The following CCDC141 variants were observed in gnomAD, a reference collection of about 807,000 sequenced individuals.
CCDC141 encodes coiled-coil domain-containing protein 141.
CCDC141 carries 168 observed loss-of-function variants against 181.0 expected under a neutral mutation model. The observed-to-expected ratio is 0.93, with a 90% CI of 0.82 to 1.05. CCDC141 has a LOEUF of 1.05. CCDC141 is among the 50% of genes least tolerant of loss of function. The pLI, the probability that CCDC141 is intolerant of heterozygous loss-of-function variation, is 0.00. For missense variants in CCDC141, 1,902 were observed against 1,788.5 expected, an observed-to-expected ratio of 1.06 and a Z score of -1.14; for synonymous variants, 666 against 642.3, an observed-to-expected ratio of 1.04 and a Z score of -0.56.
Position 178,833,869 on chromosome 2 carries a change from G to GC in CCDC141, c.*303dup, listed in dbSNP as rs1270866607. ...TGCCGATGTCAGCCTTCATCTGCACGCCCTTAAATTAGGAGGGAATAGGCA... is the reference window on the plus strand; with the variant it reads ...TGCCGATGTCAGCCTTCATCTGCACGCCCCTTAAATTAGGAGGGAATAGGCA... On this transcript the variant is annotated 3_prime_UTR_variant, in exon 24 of 24. Coordinates refer to ENST00000443758, the MANE Select transcript of CCDC141 (RefSeq NM_173648.4). 4.0e-6 allele frequency: 1 copy of GC among 252,360 alleles called. No homozygotes were observed. The highest frequency in any genetic ancestry group is 4.9e-5 in the Admixed American group (1 of 20,468). 15.6% of individuals were successfully genotyped at this position (252,360 alleles called of 1,614,324 possible).
intron 2 of CCDC141, among the ~76,000 whole-genome samples, chr2:178,992,358 T>A (rs63596263): frequency 9.6e-5 from 13 of 134,862 alleles, no homozygotes; most frequent in East Asian, 4.2e-4. Context: ...TTTTTTTTTT[T>A]AAATAGACCT....
At chr2:178,975,222 A>G in intron 3 of CCDC141, 57 bp from the exon 4 acceptor site, 1 of 883,180 alleles carries the variant, frequency 1.1e-6, no homozygotes, top group Non-Finnish European at 1.7e-6. Flanking sequence ...TTAACGTGCC[A>G]TTGTTAGTTA....
chr2:178,868,708 T>C (rs1204333218), intron 15 of CCDC141, among the ~76,000 whole-genome samples: 3 of 151,780 alleles, frequency 2.0e-5, no homozygotes, highest in African/African-American at 7.3e-5. Flanking sequence ...GCTATGCTTA[T>C]CAAAAAGTAA....
chr2:178,841,232 A>G (rs550662256), intron 22 of CCDC141, among the ~76,000 whole-genome samples: 37 of 152,228 alleles, frequency 2.4e-4, no homozygotes, highest in Non-Finnish European at 2.9e-4. Context: ...ACGTTGATGA[A>G]CTACTTAACA....
At chr2:178,941,091 AAGACAACTCTCCTT>A (rs1431951214) in intron 6 of CCDC141, among the ~76,000 whole-genome samples, 1 of 152,176 alleles carries the variant, frequency 6.6e-6, no homozygotes, top group Non-Finnish European at 1.5e-5. Flanking sequence ...TATTGCCTCT[AAGACAACTCTCCTT>A]AGCCTCTCTT....
rs1685251303 is a variant in CCDC141, at chr2:178,853,447, A to G, written c.3238T>C (p.Leu1080=). 6.2e-7 allele frequency: 1 copy of G among 1,613,646 alleles called. No individual in the cohort carries two copies. Among genetic ancestry groups the G allele is most frequent in the African/African-American group, 1.3e-5 (1 of 74,896 alleles). The change falls in exon 20 of 24, where the codon TTA becomes CTA. Residue 1080 remains leucine, a synonymous_variant. Coordinates refer to ENST00000443758, the MANE Select transcript of CCDC141 (RefSeq NM_173648.4). ...IQEATDLAQH[L]YGLEEGQKYI... ...ATCTTAAAAGAGATCTCACCATATAAGTGCTGAGCAAGGTCAGTGGCCTCC... is the reference window on the plus strand; with the variant it reads ...ATCTTAAAAGAGATCTCACCATATAGGTGCTGAGCAAGGTCAGTGGCCTCC...
intron 8 of CCDC141, among the ~76,000 whole-genome samples, chr2:178,899,799 G>T (rs1687597736): frequency 6.6e-6 from 1 of 152,094 alleles, no homozygotes; most frequent in Non-Finnish European, 1.5e-5. Context: ...CTTCACTCCA[G>T]CAGTGGCTGC....
At chr2:178,834,866 T>C (rs1405093784) in intron 23 of CCDC141, among the ~76,000 whole-genome samples, 1 of 151,532 alleles carries the variant, frequency 6.6e-6, no homozygotes, top group South Asian at 2.1e-4. Context: ...GCGCTGTTTA[T>C]CTTTCAAGCA....
At chr2:178,820,643 T>G in the CCDC141 span, among the ~76,000 whole-genome samples, 27 of 152,330 alleles carry the variant, frequency 1.8e-4, 1 homozygote, top group Middle Eastern at 3.4e-3. Context: ...GTTTTCAGAT[T>G]AAATTGAAAT....
At chr2:179,001,561 A>AGAG (rs972057811) in intron 2 of CCDC141, among the ~76,000 whole-genome samples, 1 of 152,184 alleles carries the variant, frequency 6.6e-6, no homozygotes, top group African/African-American at 2.4e-5. Context: ...TAAAAAGATC[A>AGAG]GAGGAGGAGG....
At chr2:178,956,247 C>T (rs1182530273) in intron 5 of CCDC141, among the ~76,000 whole-genome samples, 1 of 152,156 alleles carries the variant, frequency 6.6e-6, no homozygotes, top group Admixed American at 6.5e-5. Flanking sequence ...CTGCTGTTAA[C>T]AAGAGAAAAT....
intron 2 of CCDC141, among the ~76,000 whole-genome samples, chr2:179,019,688 A>G (rs957499930): frequency 6.6e-6 from 1 of 152,172 alleles, no homozygotes; most frequent in Non-Finnish European, 1.5e-5. Flanking sequence ...GAAACAACAT[A>G]GTTCCAATAC....
At chr2:179,015,293 C>A (rs1464836047) in intron 2 of CCDC141, among the ~76,000 whole-genome samples, 1 of 127,350 alleles carries the variant, frequency 7.9e-6, no homozygotes, top group Non-Finnish European at 1.6e-5. Flanking sequence ...TCTCATATAT[C>A]TCATATATGT....
At chr2:179,039,982 A>G (rs79972339) in intron 2 of CCDC141, among the ~76,000 whole-genome samples, 21 of 152,312 alleles carry the variant, frequency 1.4e-4, no homozygotes, top group African/African-American at 5.1e-4. Flanking sequence ...AGAATTAGGT[A>G]TATCTAGATG....
intron 8 of CCDC141, among the ~76,000 whole-genome samples, chr2:178,901,333 T>C (rs1687678538): frequency 6.6e-6 from 1 of 152,108 alleles, no homozygotes; most frequent in Non-Finnish European, 1.5e-5. Flanking sequence ...ATATCCTTGA[T>C]GAATATTGAT....
chr2:178,818,030 T>C, the CCDC141 span, among the ~76,000 whole-genome samples: 106 of 152,280 alleles, frequency 7.0e-4, no homozygotes, highest in Middle Eastern at 3.4e-3. Flanking sequence ...CCCAAACTCC[T>C]GACCTTAGGT....
Position 178,865,778 on chromosome 2 carries a change from C to T in CCDC141, c.2713G>A (p.Glu905Lys), listed in dbSNP as rs150991367. The part of the protein sequence containing the change: ...RSVEYCAMRD[E>K]INELKDSFKD... ...CCTCCCACACCCACCTCATTTATCT[C>T]GTCTCTCATGGCGCAGTACTCCACA... is the stretch of plus-strand genomic sequence containing the variant. Residue 905 changes from glutamate to lysine, a missense_variant, in exon 17 of 24, where the codon GAG (glutamate) becomes AAG (lysine). Coordinates refer to ENST00000443758, the MANE Select transcript of CCDC141 (RefSeq NM_173648.4). 2.2e-4 allele frequency: 335 copies of T among 1,542,970 alleles called. 2 individuals are homozygous for T. In the Admixed American group the frequency reaches 3.1e-3, roughly 14 times the overall value.
intron 12 of CCDC141, chr2:178,875,963 T>G (rs1274925034): frequency 6.6e-6 from 1 of 152,016 alleles, no homozygotes; most frequent in Non-Finnish European, 1.5e-5. Context: ...AAAAATAACT[T>G]TTCTTTTTTT....
chr2:178,906,397 G>A (rs1159228752), intron 7 of CCDC141, among the ~76,000 whole-genome samples: 2 of 152,168 alleles, frequency 1.3e-5, no homozygotes, highest in African/African-American at 2.4e-5. Context: ...AAAGCAGAGC[G>A]CAGTCATCTT....
Sources: gnomAD v4.1 joint callset for allele counts (sites outside exome capture counted in the v4.1 genomes callset) on GRCh38, gnomAD v4.1.1 for gene constraint, MANE v1.5 for transcripts, NCBI Gene and HGNC (gene_info 2026-07-23, HGNC 2026-07-21) for gene names.